Variants in GLIS3 observed in about 807,000 individuals in gnomAD.
GLIS3 encodes the protein zinc finger protein GLIS3.
In GLIS3, 53 loss-of-function variants were observed where a neutral mutation model predicts 78.6. The ratio of observed to expected loss-of-function variants is 0.67; its 90% confidence interval spans 0.54 to 0.85. The LOEUF is 0.85. Ranked by LOEUF, GLIS3 falls within the 40% of genes least tolerant of loss-of-function variation. The pLI is 0.00. For synonymous variants in GLIS3, 684 were observed against 509.9 expected (o/e 1.34, Z -4.60); for missense variants, 1,703 against 1,231.1 (o/e 1.38, Z -5.74).
chr9:3,889,864 C>T (rs1822313002), intron 7 of GLIS3, among the ~76,000 whole-genome samples: 1 of 152,184 alleles, frequency 6.6e-6, no homozygotes, highest in African/African-American at 2.4e-5. Context: ...CAGATTTGGC[C>T]TATGGGCCAT....
chr9:4,143,874 A>G (rs534525510), intron 2 of GLIS3, among the ~76,000 whole-genome samples: 1 of 152,320 alleles, frequency 6.6e-6, no homozygotes, highest in Non-Finnish European at 1.5e-5. Context: ...ACACTGAACT[A>G]TCTATGGCGA....
intron 4 of GLIS3, among the ~76,000 whole-genome samples, chr9:4,066,860 T>C (rs1338525354): frequency 6.6e-6 from 1 of 152,134 alleles, no homozygotes; most frequent in African/African-American, 2.4e-5. Flanking sequence ...GCACTTACGG[T>C]GCAACAAGTT....
chr9:4,267,237 C>G (rs1375629860), intron 2 of GLIS3, among the ~76,000 whole-genome samples: 7 of 152,092 alleles, frequency 4.6e-5, no homozygotes, highest in Admixed American at 4.6e-4. Context: ...CTAGACTATT[C>G]TAGGCAATTT....
chr9:3,991,842 A>C (rs567437780), intron 4 of GLIS3, among the ~76,000 whole-genome samples: 161 of 151,866 alleles, frequency 1.1e-3, no homozygotes, highest in African/African-American at 1.1e-3. Context: ...AGGCGCCTGC[A>C]ACCATGCCTG....
intron 9 of GLIS3, among the ~76,000 whole-genome samples, chr9:3,849,152 C>A (rs886112819): frequency 6.6e-6 from 1 of 152,140 alleles, no homozygotes; most frequent in Admixed American, 6.5e-5. Context: ...AATAAGAGCA[C>A]ACAGTGGAAA....
chr9:3,837,039 G>C (rs1236537535), intron 9 of GLIS3, among the ~76,000 whole-genome samples: 1 of 152,160 alleles, frequency 6.6e-6, no homozygotes, highest in African/African-American at 2.4e-5. Context: ...TGCTTTACAA[G>C]TTGGAATATT....
intron 2 of GLIS3, among the ~76,000 whole-genome samples, chr9:4,159,856 C>G (rs923897071): frequency 6.6e-6 from 1 of 152,120 alleles, no homozygotes; most frequent in South Asian, 2.1e-4. Context: ...GGAGTTAAGA[C>G]GGCAAGCCAA....
At chr9:4,268,714 A>T (rs1826233370) in intron 2 of GLIS3, among the ~76,000 whole-genome samples, 1 of 152,196 alleles carries the variant, frequency 6.6e-6, no homozygotes, top group Non-Finnish European at 1.5e-5. Context: ...CACAGAGAGT[A>T]GGAACCCACA....
At chr9:4,355,169 A>T in the GLIS3 span, among the ~76,000 whole-genome samples, 4 of 151,824 alleles carry the variant, frequency 2.6e-5, no homozygotes, top group Non-Finnish European at 5.9e-5. Flanking sequence ...AAAGAGAGAG[A>T]GTTCCCTGAG....
intron 3 of GLIS3, chr9:4,308,983 T>A (rs1277906536): frequency 6.6e-6 from 1 of 152,352 alleles, no homozygotes; most frequent in South Asian, 2.1e-4. Flanking sequence ...AAAAGGAGAA[T>A]GAATATAGTC....
the GLIS3 span, among the ~76,000 whole-genome samples, chr9:4,385,572 G>A: frequency 4.0e-5 from 6 of 151,318 alleles, no homozygotes; most frequent in South Asian, 2.1e-4. Flanking sequence ...GGCCGAGGCC[G>A]GAGAAATGCT....
intron 2 of GLIS3, among the ~76,000 whole-genome samples, chr9:4,334,858 C>T (rs558307822): frequency 6.6e-6 from 1 of 152,126 alleles, no homozygotes; most frequent in Admixed American, 6.5e-5. Context: ...TCTCTTCAAC[C>T]CACAACTACA....
the GLIS3 span, among the ~76,000 whole-genome samples, chr9:4,393,099 T>G: frequency 3.3e-5 from 5 of 152,196 alleles, no homozygotes; most frequent in Admixed American, 6.5e-5. Context: ...CTTTTTTATA[T>G]TATAAATTAA....
intron 6 of GLIS3, among the ~76,000 whole-genome samples, chr9:3,907,332 A>C (rs991644329): frequency 6.6e-6 from 1 of 152,218 alleles, no homozygotes; most frequent in African/African-American, 2.4e-5. Context: ...ATTTCTAAGA[A>C]GGAGCCACAA....
chr9:4,187,592 G>A (rs1417313682), intron 2 of GLIS3, among the ~76,000 whole-genome samples: 1 of 152,140 alleles, frequency 6.6e-6, no homozygotes, highest in Admixed American at 6.5e-5. Flanking sequence ...TGGACTGTAT[G>A]GCCATTTTCC....
intron 2 of GLIS3, among the ~76,000 whole-genome samples, chr9:4,257,789 G>A (rs1435903444): frequency 1.3e-5 from 2 of 151,990 alleles, no homozygotes. Context: ...TAGCCGGGAT[G>A]GTCTCGATCT....
chr9:4,077,606 C>T (rs1828186827), intron 4 of GLIS3, among the ~76,000 whole-genome samples: 1 of 152,158 alleles, frequency 6.6e-6, no homozygotes, highest in Non-Finnish European at 1.5e-5. Context: ...AGAAAATATC[C>T]TTCTATGCTG....
chr9:4,471,976 C>T, the GLIS3 span, among the ~76,000 whole-genome samples: 1 of 152,186 alleles, frequency 6.6e-6, no homozygotes, highest in Non-Finnish European at 1.5e-5. Flanking sequence ...CAAAAGAAGA[C>T]ATTTATGCAG....
the GLIS3 span, among the ~76,000 whole-genome samples, chr9:4,432,365 G>A: frequency 1.3e-4 from 20 of 152,136 alleles, no homozygotes; most frequent in Non-Finnish European, 2.1e-4. Flanking sequence ...ACAGAAGTGG[G>A]GGGACAGCAT....
Sources: gnomAD v4.1 joint callset for allele counts (sites outside exome capture counted in the v4.1 genomes callset) on GRCh38, gnomAD v4.1.1 for gene constraint, MANE v1.5 for transcripts, NCBI Gene and HGNC (gene_info 2026-07-23, HGNC 2026-07-21) for gene names.